CYP4Z1: variants seen among roughly 807,000 people sequenced by gnomAD.
CYP4Z1 encodes the protein cytochrome P450 family 4 subfamily Z member 1.
A neutral mutation model predicts 54.2 loss-of-function variants in CYP4Z1; 41 were observed. The observed-to-expected ratio is 0.76, with a 90% CI of 0.59 to 0.98. The LOEUF (loss-of-function observed/expected upper bound fraction) is 0.98. CYP4Z1 is among the 50% of genes least tolerant of loss of function. The pLI is 0.00. For synonymous variants in CYP4Z1, 163 were observed against 206.2 expected (o/e 0.79, Z 1.79); for missense variants, 513 against 599.0 (o/e 0.86, Z 1.50).
chr1:47,117,659 T>G, intron 11 of CYP4Z1, 107 bp from the exon 12 acceptor site: 1 of 1,162,314 alleles, frequency 8.6e-7, no homozygotes, highest in Non-Finnish European at 1.2e-6. Flanking sequence ...GAAAAAAAAA[T>G]GGATCTTGTT....
chr1:47,114,119 CAG>C (rs1281946517), intron 9 of CYP4Z1, among the ~76,000 whole-genome samples: 1 of 152,096 alleles, frequency 6.6e-6, no homozygotes, highest in African/African-American at 2.4e-5. Flanking sequence ...TGGAACAGAA[CAG>C]AGCCCTCAGA....
chr1:47,087,781 A>G (rs1176243907), intron 6 of CYP4Z1, among the ~76,000 whole-genome samples: 1 of 152,212 alleles, frequency 6.6e-6, no homozygotes, highest in African/African-American at 2.4e-5. Context: ...CCAGTTTTCA[A>G]ATGTAATGCT....
upstream of CYP4Z1, among the ~76,000 whole-genome samples, chr1:47,067,154 G>T (rs1644455742): frequency 6.6e-6 from 1 of 152,144 alleles, no homozygotes; most frequent in Admixed American, 6.5e-5. Flanking sequence ...TTACAAGAAT[G>T]TATAGAGGTG....
the CYP4Z1 span, among the ~76,000 whole-genome samples, chr1:47,057,504 A>ATT: frequency 8.6e-4 from 106 of 122,766 alleles, 2 homozygotes; most frequent in South Asian, 4.4e-3. Context: ...AGCTTTTTTC[A>ATT]TTTTTTTTTT....
chr1:47,102,265 A>G (rs1644727088), intron 8 of CYP4Z1, among the ~76,000 whole-genome samples: 1 of 152,200 alleles, frequency 6.6e-6, no homozygotes, highest in Non-Finnish European at 1.5e-5. Context: ...TATTACTGAT[A>G]TGTGATGGCA....
chr1:47,067,343 C>T lies in CYP4Z1; in HGVS notation c.-148C>T, dbSNP rs1217156900. On this transcript the variant is annotated 5_prime_UTR_variant, in exon 1 of 12. Coordinates refer to ENST00000334194, the MANE Select transcript of CYP4Z1 (RefSeq NM_178134.3). ...TTTTCACCCTGCAGACTTAATTAGGCTTCCTCTTCCTTATGTCCCCTCCCT... is the reference window on the plus strand; with the variant it reads ...TTTTCACCCTGCAGACTTAATTAGGTTTCCTCTTCCTTATGTCCCCTCCCT... The T allele has an allele frequency of 7.5e-5, 45 of 602,884 alleles. No individual in the cohort carries two copies. The highest frequency in any genetic ancestry group is 5.2e-6 in the Non-Finnish European group (2 of 386,360). 37.3% of individuals were successfully genotyped at this position (602,884 alleles called of 1,614,324 possible). A position where few individuals can be genotyped will look rare whatever the true frequency, so the allele number is the denominator to read the frequency against.
intron 2 of CYP4Z1, 38 bp downstream of exon 2, chr1:47,068,801 C>A (rs199561368): frequency 7.7e-5 from 123 of 1,603,632 alleles, no homozygotes; most frequent in African/African-American, 2.7e-4. Context: ...AGAGCAGCAA[C>A]AAAGAGGGTC....
At chr1:47,073,992 T>C (rs1370288848) in intron 2 of CYP4Z1, among the ~76,000 whole-genome samples, 1 of 151,132 alleles carries the variant, frequency 6.6e-6, no homozygotes, top group Non-Finnish European at 1.5e-5. Flanking sequence ...CCTGTGCTTT[T>C]ACTATCATTT....
At chr1:47,086,225 G>T (rs959305564) in intron 6 of CYP4Z1, among the ~76,000 whole-genome samples, 1 of 152,034 alleles carries the variant, frequency 6.6e-6, no homozygotes, top group African/African-American at 2.4e-5. Flanking sequence ...GGGATGGCTG[G>T]GTCAAATGGT....
At chr1:47,077,444 CTT>C (rs1253173003) in intron 2 of CYP4Z1, among the ~76,000 whole-genome samples, 1 of 152,068 alleles carries the variant, frequency 6.6e-6, no homozygotes, top group Non-Finnish European at 1.5e-5. Context: ...CTTTTAACCT[CTT>C]TGTTTCTTCA....
chr1:47,114,714 A>T (rs1644817469), intron 9 of CYP4Z1, among the ~76,000 whole-genome samples: 1 of 152,232 alleles, frequency 6.6e-6, no homozygotes, highest in Non-Finnish European at 1.5e-5. Flanking sequence ...ATCACTGGCC[A>T]TCAGAGAAAT....
chr1:47,101,907 T>G (rs961082505), intron 8 of CYP4Z1, among the ~76,000 whole-genome samples: 1 of 152,126 alleles, frequency 6.6e-6, no homozygotes, highest in African/African-American at 2.4e-5. Context: ...TCTCTTTAGA[T>G]CTAACAATAT....
chr1:47,105,372 TC>T (rs1644749366), intron 8 of CYP4Z1, among the ~76,000 whole-genome samples: 1 of 152,100 alleles, frequency 6.6e-6, no homozygotes, highest in Non-Finnish European at 1.5e-5. Context: ...GAGCTCTCTC[TC>T]TGGAGTAATG....
the CYP4Z1 span, among the ~76,000 whole-genome samples, chr1:47,057,013 T>G: frequency 2.2e-4 from 33 of 151,752 alleles, no homozygotes; most frequent in African/African-American, 6.8e-4. Flanking sequence ...TCTTCCTAGC[T>G]TCGATGGTCT....
intron 9 of CYP4Z1, among the ~76,000 whole-genome samples, chr1:47,112,699 C>T (rs928170801): frequency 4.2e-5 from 6 of 143,046 alleles, no homozygotes; most frequent in Non-Finnish European, 7.5e-5. Context: ...GTGGGAGGAT[C>T]GCTTGAGTCT....
At chr1:47,115,979 C>T (rs1363611140) in intron 10 of CYP4Z1, among the ~76,000 whole-genome samples, 1 of 152,064 alleles carries the variant, frequency 6.6e-6, no homozygotes, top group Non-Finnish European at 1.5e-5. Flanking sequence ...GGACTCTTTG[C>T]TTTTTTTAAG....
chr1:47,057,344 A>ATATATATATATATATATATATATG, the CYP4Z1 span, among the ~76,000 whole-genome samples: 1 of 59,060 alleles, frequency 1.7e-5, no homozygotes, highest in African/African-American at 6.3e-5. Flanking sequence ...AAATATATAT[A>ATATATATATATATATATATATATG]TATATATATA....
At chr1:47,082,590 G>C in intron 4 of CYP4Z1, 129 bp downstream of exon 4, 2 of 1,339,870 alleles carry the variant, frequency 1.5e-6, no homozygotes, top group Middle Eastern at 2.6e-4. Flanking sequence ...TTGATGTTTA[G>C]ACCATGACCA....
chr1:47,085,381 C>T (rs892379041), intron 6 of CYP4Z1, among the ~76,000 whole-genome samples: 4 of 152,174 alleles, frequency 2.6e-5, no homozygotes, highest in African/African-American at 9.7e-5. Context: ...CAACACAGCA[C>T]ACCACTGAGT....
Sources: allele counts gnomAD v4.1 joint callset (sites outside exome capture counted in the v4.1 genomes callset), GRCh38; gene constraint gnomAD v4.1.1; transcripts MANE v1.5; gene names NCBI Gene and HGNC (gene_info 2026-07-23, HGNC 2026-07-21).